Variants in WWOX observed in about 807,000 individuals in gnomAD.
WWOX encodes WW domain containing oxidoreductase.
A neutral mutation model predicts 46.2 loss-of-function variants in WWOX; 69 were observed. The observed-to-expected ratio is 1.49, with a 90% confidence interval of 1.23 to 1.82. The LOEUF is 1.82. WWOX is among the 40% of genes most tolerant of loss of function. WWOX has a pLI of 0.00. For synonymous variants in WWOX, 359 were observed against 202.6 expected (o/e 1.77, Z -6.56); for missense variants, 919 against 542.6 (o/e 1.69, Z -6.89).
intron 8 of WWOX, among the ~76,000 whole-genome samples, chr16:79,118,717 C>CT (rs552087958): frequency 5.9e-5 from 9 of 152,200 alleles, no homozygotes; most frequent in Non-Finnish European, 1.0e-4. Context: ...CCATGCCTGC[C>CT]TTCCAGTCTT....
Position 78,333,049 on chromosome 16 carries a change from T to TC in WWOX, c.517-53811_517-53810insC, listed in dbSNP as rs1486176004. Among the ~76,000 whole-genome samples the TC allele has an allele frequency of 2.1e-5, 2 of 93,314 alleles. 1 individual carries two copies. The highest frequency in any genetic ancestry group is 4.3e-5 in the Non-Finnish European group (2 of 46,506). The allele number at this position is 93,314 out of a possible 152,430, so 61.2% of individuals were successfully genotyped here. ...AGCATGGAAGAGCATTATACTTTTT[T>TC]TTTTTTTTTTTTTTTTTTGAGACAG... On this transcript the variant is annotated intron_variant, in intron 5 of 8. Transcript: ENST00000566780.
intron 5 of WWOX, among the ~76,000 whole-genome samples, chr16:78,188,371 C>A (rs1202187202): frequency 6.6e-6 from 1 of 151,766 alleles, no homozygotes; most frequent in African/African-American, 2.4e-5. Context: ...GCCTGTAGTC[C>A]CAGCTACTCG....
At chr16:78,187,364 A>G (rs144758934) in intron 5 of WWOX, among the ~76,000 whole-genome samples, 1 of 152,284 alleles carries the variant, frequency 6.6e-6, no homozygotes, top group African/African-American at 2.4e-5. Flanking sequence ...TAATCCTAGC[A>G]CTTTGGGAGG....
At chr16:78,381,392 G>A (rs866866674) in intron 5 of WWOX, among the ~76,000 whole-genome samples, 9 of 152,252 alleles carry the variant, frequency 5.9e-5, no homozygotes, top group African/African-American at 2.2e-4. Context: ...ACTGATGAGT[G>A]CCACTATATT....
chr16:79,211,925 C>G lies in WWOX; in HGVS notation c.*129C>G. The G allele has an allele frequency of 6.5e-7, 1 of 1,539,792 alleles. No individual in the cohort carries two copies. Among genetic ancestry groups the G allele is most frequent in the Non-Finnish European group, 8.7e-7 (1 of 1,147,844 alleles). On this transcript the variant is annotated 3_prime_UTR_variant, in exon 9 of 9. Transcript: ENST00000566780. ...CAAGAGTAAAGGAAATAAGAGCAGT[C>G]ACAACAGAGTGAAAAATCTTAAGTA...
At chr16:79,055,734 A>T (rs185345945) in intron 8 of WWOX, among the ~76,000 whole-genome samples, 1 of 152,244 alleles carries the variant, frequency 6.6e-6, no homozygotes, top group Non-Finnish European at 1.5e-5. Context: ...TAATTTTTCT[A>T]TGTGACCTAT....
In WWOX at chr16:78,960,264, C is replaced by T. The variant is rs560993419; in HGVS notation, c.1057-251344C>T. ...CATAGGACAAAGACCTCCCCACCTCCAGCTATGAAAGACAGAAAATGATAG... is the reference window on the plus strand; with the variant it reads ...CATAGGACAAAGACCTCCCCACCTCTAGCTATGAAAGACAGAAAATGATAG... On this transcript the variant is annotated intron_variant, in intron 8 of 8. Coordinates refer to ENST00000566780, the MANE Select transcript of WWOX (RefSeq NM_016373.4). Among the ~76,000 whole-genome samples the T allele has an allele frequency of 3.9e-5, 6 of 152,294 alleles. No individual in the cohort carries two copies. In the South Asian group the frequency reaches 8.3e-4, roughly 21 times the overall value.
chr16:78,939,356 C>G lies in WWOX; in HGVS notation c.1057-272252C>G, dbSNP rs148895842. Among the ~76,000 whole-genome samples, 289 of 152,262 alleles carry G rather than the reference C, an allele frequency of 1.9e-3. 1 individual carries two copies. Among genetic ancestry groups the G allele is most frequent in the Non-Finnish European group, 2.6e-3 (176 of 68,032 alleles). The stretch of plus-strand genomic sequence containing the variant: ...CCCTTACAGATGATGCCCAATGACT[C>G]TACAATTGCTGGGATACTTTTTAGA... On this transcript the variant is annotated intron_variant, in intron 8 of 8. Transcript: ENST00000566780.
chr16:78,571,732 G>A (rs188689655), intron 8 of WWOX, among the ~76,000 whole-genome samples: 53 of 152,222 alleles, frequency 3.5e-4, no homozygotes, highest in Middle Eastern at 6.8e-3. Flanking sequence ...GCCAGGCGTG[G>A]TGGTATGTGA....
intron 8 of WWOX, among the ~76,000 whole-genome samples, chr16:78,726,175 T>C (rs934116437): frequency 6.8e-6 from 1 of 146,264 alleles, no homozygotes; most frequent in Non-Finnish European, 1.5e-5. Flanking sequence ...GTCTCTCTTT[T>C]CTCTCTCTCT....
rs1273337026 is a variant in WWOX at position 78,548,792 on chromosome 16, T to G, written c.1056+116040T>G. Among the ~76,000 whole-genome samples, 6 of 152,312 alleles carry G rather than the reference T, an allele frequency of 3.9e-5. No individual in the cohort carries two copies. The East Asian group carries it at 9.6e-4, about 24-fold the overall frequency. On this transcript the variant is annotated intron_variant, in intron 8 of 8. Coordinates refer to ENST00000566780, the MANE Select transcript of WWOX (RefSeq NM_016373.4). ...TAGTTCAGGTTTGTTGGTTTGAAAA[T>G]AAACGCCTTCATTTCAATATTTGCC... is the stretch of plus-strand genomic sequence containing the variant.
chr16:79,005,660 T>G (rs1567477561), intron 8 of WWOX, among the ~76,000 whole-genome samples: 6 of 152,102 alleles, frequency 3.9e-5, no homozygotes, highest in South Asian at 2.1e-4. Flanking sequence ...TCTCTATGTC[T>G]TCAATGTTCT....
intron 8 of WWOX, among the ~76,000 whole-genome samples, chr16:78,925,298 A>G (rs1237284128): frequency 6.6e-6 from 1 of 152,222 alleles, no homozygotes; most frequent in African/African-American, 2.4e-5. Flanking sequence ...ACTGGGATTG[A>G]GGAAAATAAC....
At chr16:78,993,353 C>T (rs934849881) in intron 8 of WWOX, among the ~76,000 whole-genome samples, 3 of 152,090 alleles carry the variant, frequency 2.0e-5, no homozygotes, top group African/African-American at 7.2e-5. Context: ...TGAATATTTA[C>T]AATAAAACCT....
chr16:78,837,102 G>GGGA (rs1303046994), intron 8 of WWOX, among the ~76,000 whole-genome samples: 1 of 152,028 alleles, frequency 6.6e-6, no homozygotes, highest in Non-Finnish European at 1.5e-5. Context: ...TTAGGGAGGG[G>GGGA]GGAGAAGAAG....
intron 8 of WWOX, among the ~76,000 whole-genome samples, chr16:79,088,523 C>T (rs938325632): frequency 6.6e-6 from 1 of 152,282 alleles, no homozygotes; most frequent in East Asian, 1.9e-4. Context: ...GCAAATATGA[C>T]GGAGTCAGAA....
chr16:78,958,464 G>C (rs1463751288), intron 8 of WWOX, among the ~76,000 whole-genome samples: 1 of 152,160 alleles, frequency 6.6e-6, no homozygotes, highest in Non-Finnish European at 1.5e-5. Context: ...CTATGGAGAG[G>C]TTTTATGGTT....
chr16:78,485,053 G>C (rs1247440319), intron 8 of WWOX, among the ~76,000 whole-genome samples: 1 of 151,912 alleles, frequency 6.6e-6, no homozygotes, highest in East Asian at 1.9e-4. Context: ...AAACTCCCTA[G>C]GATGAATGTT....
At chr16:78,332,437 T>C (rs1385136708) in intron 5 of WWOX, among the ~76,000 whole-genome samples, 2 of 152,194 alleles carry the variant, frequency 1.3e-5, no homozygotes, top group Non-Finnish European at 2.9e-5. Context: ...CTGTGATTTG[T>C]ATGGGCTGCA....
Sources: allele counts gnomAD v4.1 joint callset (sites outside exome capture counted in the v4.1 genomes callset), GRCh38; gene constraint gnomAD v4.1.1; transcripts MANE v1.5; gene names NCBI Gene and HGNC (gene_info 2026-07-23, HGNC 2026-07-21).